ANKS1B: variants seen among roughly 807,000 people sequenced by gnomAD.
The protein encoded by ANKS1B is ankyrin repeat and sterile alpha motif domain containing 1B.
In ANKS1B, 36 loss-of-function variants were observed where a neutral mutation model predicts 148.3. That is an observed-to-expected ratio of 0.24 (90% confidence interval 0.19 to 0.32). ANKS1B has a LOEUF of 0.32. ANKS1B is among the 10% of genes least tolerant of loss of function. ANKS1B has a pLI of 1.00. For synonymous variants in ANKS1B, 542 were observed against 560.8 expected (o/e 0.97, Z 0.47); for missense variants, 1,157 against 1,542.6 (o/e 0.75, Z 4.19).
intron 1 of ANKS1B, among the ~76,000 whole-genome samples, chr12:99,898,202 AT>A (rs1378374618): frequency 2.6e-5 from 4 of 152,190 alleles, no homozygotes; most frequent in African/African-American, 9.6e-5. Flanking sequence ...AAAATCTAGA[AT>A]TAAACATTTC....
intron 25 of ANKS1B, among the ~76,000 whole-genome samples, chr12:98,771,594 C>G (rs903559434): frequency 6.6e-6 from 1 of 152,182 alleles, no homozygotes; most frequent in African/African-American, 2.4e-5. Flanking sequence ...CCACCTCACC[C>G]TCTCAGGTAG....
At position 99,449,305 on chromosome 12, in the gene ANKS1B, C is replaced by T. The variant is rs549381008; in HGVS notation, c.1439-5496G>A. 2.0e-4 allele frequency among the ~76,000 whole-genome samples: 31 copies of T among 152,214 alleles called. No homozygotes were observed. In the South Asian group the frequency reaches 6.4e-3, roughly 32 times the overall value. On this transcript the variant is annotated intron_variant, in intron 10 of 26. Transcript: ENST00000683438. ...TGCAATCCTGTTCCGCTGTTAGTTT[C>T]ATCATCAATTCTGTGTTGCTTATTA...
chr12:99,731,997 A>G (rs967167083), intron 8 of ANKS1B, among the ~76,000 whole-genome samples: 2 of 152,220 alleles, frequency 1.3e-5, no homozygotes, highest in Non-Finnish European at 2.9e-5. Context: ...AAAATGGGCA[A>G]AAGTTTGAAC....
intron 12 of ANKS1B, among the ~76,000 whole-genome samples, chr12:99,353,798 G>GA (rs35935913): frequency 0.46 from 70,493 of 151,614 alleles, 18,495 homozygotes; most frequent in African/African-American, 0.71. Flanking sequence ...GAGGAACTGG[G>GA]AAAGGATGGA....
chr12:98,807,125 G>C (rs542971139), intron 20 of ANKS1B, among the ~76,000 whole-genome samples: 4 of 152,230 alleles, frequency 2.6e-5, no homozygotes, highest in African/African-American at 9.6e-5. Flanking sequence ...TTAAAATATG[G>C]AACATAAAAC....
chr12:99,399,854 T>A, intron 11 of ANKS1B, 43 bp from the exon 12 acceptor site: 1 of 1,594,760 alleles, frequency 6.3e-7, no homozygotes, highest in Non-Finnish European at 8.6e-7. Context: ...ATGATCATGT[T>A]CATCTTCAGC....
At chr12:99,247,417 T>C (rs1003848459) in intron 12 of ANKS1B, among the ~76,000 whole-genome samples, 1 of 152,212 alleles carries the variant, frequency 6.6e-6, no homozygotes, top group Non-Finnish European at 1.5e-5. Flanking sequence ...AATAATTCTA[T>C]GCAGATTACA....
At chr12:99,448,872 T>A (rs531636460) in intron 10 of ANKS1B, among the ~76,000 whole-genome samples, 15 of 152,120 alleles carry the variant, frequency 9.9e-5, no homozygotes, top group Non-Finnish European at 1.9e-4. Flanking sequence ...CCATATAACT[T>A]CCAATATTGC....
At chr12:99,047,980 A>C (rs528675169) in intron 17 of ANKS1B, among the ~76,000 whole-genome samples, 1 of 152,180 alleles carries the variant, frequency 6.6e-6, no homozygotes, top group Non-Finnish European at 1.5e-5. Flanking sequence ...TTTTGATGTT[A>C]CTGGCTAAAA....
At chr12:99,365,127 G>T (rs973133614) in intron 12 of ANKS1B, among the ~76,000 whole-genome samples, 2 of 152,188 alleles carry the variant, frequency 1.3e-5, no homozygotes, top group African/African-American at 4.8e-5. Context: ...ATTGGGGTAA[G>T]CATCTTGGGT....
At chr12:98,961,157 A>G (rs1214951673) in intron 17 of ANKS1B, among the ~76,000 whole-genome samples, 1 of 152,184 alleles carries the variant, frequency 6.6e-6, no homozygotes, top group East Asian at 1.9e-4. Context: ...ATTCAAGTGT[A>G]AAAACACCAA....
At chr12:99,898,574 C>A (rs117220913) in intron 1 of ANKS1B, among the ~76,000 whole-genome samples, 2 of 152,142 alleles carry the variant, frequency 1.3e-5, no homozygotes, top group African/African-American at 4.8e-5. Flanking sequence ...CAAGCTCAGC[C>A]CTAGGCATCC....
intron 9 of ANKS1B, among the ~76,000 whole-genome samples, chr12:99,612,556 C>T (rs530471408): frequency 6.6e-6 from 1 of 152,194 alleles, no homozygotes; most frequent in East Asian, 1.9e-4. Context: ...CTCCAAAATC[C>T]GCAATGTCTG....
intron 24 of ANKS1B, among the ~76,000 whole-genome samples, chr12:98,774,491 T>A (rs527713770): frequency 6.6e-6 from 1 of 152,334 alleles, no homozygotes; most frequent in South Asian, 2.1e-4. Context: ...TTTTGATACA[T>A]AGATGTGTTT....
chr12:99,508,079 T>C (rs2096729922), intron 9 of ANKS1B, among the ~76,000 whole-genome samples: 1 of 151,918 alleles, frequency 6.6e-6, no homozygotes, highest in Non-Finnish European at 1.5e-5. Flanking sequence ...TTTATATATA[T>C]AGTATCAAAT....
At chr12:99,784,854 C>A (rs1314335962) in intron 4 of ANKS1B, among the ~76,000 whole-genome samples, 1 of 152,118 alleles carries the variant, frequency 6.6e-6, no homozygotes, top group East Asian at 1.9e-4. Flanking sequence ...TAGTGTTTTT[C>A]CTGGATGTTC....
rs374086062 is a variant in ANKS1B at position 99,349,739 on chromosome 12, C to T, written c.1756+49892G>A. 3.3e-4 allele frequency among the ~76,000 whole-genome samples: 50 copies of T among 151,998 alleles called. No individual in the cohort carries two copies. In the East Asian group the frequency reaches 5.8e-3, roughly 18 times the overall value. ...GCTCTACAGTAATCATAGGAGATTT[C>T]AATACCCTATTTTCAATAATGGATA... On this transcript the variant is annotated intron_variant, in intron 12 of 26. Coordinates refer to ENST00000683438, the MANE Select transcript of ANKS1B (RefSeq NM_001352186.2).
chr12:99,639,706 C>T (rs866784177), intron 9 of ANKS1B, among the ~76,000 whole-genome samples: 14 of 152,098 alleles, frequency 9.2e-5, no homozygotes, highest in African/African-American at 3.1e-4. Flanking sequence ...TTTCTCCTGC[C>T]GCCATATGAA....
chr12:99,745,021 G>C (rs1180249009), intron 8 of ANKS1B, among the ~76,000 whole-genome samples: 1 of 125,358 alleles, frequency 8.0e-6, no homozygotes, highest in Non-Finnish European at 1.7e-5. Context: ...AAAAAAATCA[G>C]TAGTATCTTT....
Sources: allele counts gnomAD v4.1 joint callset (sites outside exome capture counted in the v4.1 genomes callset), GRCh38; gene constraint gnomAD v4.1.1; transcripts MANE v1.5; gene names NCBI Gene and HGNC (gene_info 2026-07-23, HGNC 2026-07-21).